The following CCDC148 variants were observed in gnomAD, a reference collection of about 807,000 sequenced individuals.
CCDC148 encodes coiled-coil domain containing 148.
CCDC148 carries 89 observed loss-of-function variants against 85.7 expected under a neutral mutation model. That is an observed-to-expected ratio of 1.04 (90% CI 0.87 to 1.24). The LOEUF is 1.24. CCDC148 is among the 50% of genes most tolerant of loss of function. The probability of loss-of-function intolerance (pLI) is 0.00; values close to 1 mark genes in which losing one functional copy is unlikely to be tolerated. For synonymous variants in CCDC148, 230 were observed against 213.9 expected (o/e 1.08, Z -0.66); for missense variants, 692 against 671.7 (o/e 1.03, Z -0.33).
At chr2:158,272,190 G>A (rs1443306588) in intron 9 of CCDC148, among the ~76,000 whole-genome samples, 1 of 152,122 alleles carries the variant, frequency 6.6e-6, no homozygotes, top group Admixed American at 6.5e-5. Flanking sequence ...TTTATAGTGG[G>A]AAATTCTGGG....
intron 9 of CCDC148, among the ~76,000 whole-genome samples, chr2:158,277,351 C>T (rs913772783): frequency 2.6e-5 from 4 of 152,182 alleles, no homozygotes; most frequent in Non-Finnish European, 4.4e-5. Flanking sequence ...AATGACCATT[C>T]CTGATACTTA....
At chr2:158,286,072 C>T (rs1024721077) in intron 9 of CCDC148, among the ~76,000 whole-genome samples, 2 of 152,008 alleles carry the variant, frequency 1.3e-5, no homozygotes, top group Admixed American at 1.3e-4. Flanking sequence ...TATTAGAATT[C>T]ATAGTACTCA....
chr2:158,419,804 G>C (rs569416036), intron 1 of CCDC148, among the ~76,000 whole-genome samples: 8 of 152,072 alleles, frequency 5.3e-5, no homozygotes, highest in Non-Finnish European at 1.0e-4. Flanking sequence ...CCTCCTTTGT[G>C]AAAATATACA....
intron 10 of CCDC148, among the ~76,000 whole-genome samples, chr2:158,233,025 T>G (rs1479607928): frequency 4.6e-5 from 7 of 152,170 alleles, no homozygotes; most frequent in African/African-American, 1.7e-4. Flanking sequence ...TTCGGAATGT[T>G]TCCAACATAA....
At chr2:158,423,782 C>T (rs954655037) in intron 1 of CCDC148, among the ~76,000 whole-genome samples, 1 of 152,128 alleles carries the variant, frequency 6.6e-6, no homozygotes, top group African/African-American at 2.4e-5. Context: ...AACAGGCAAC[C>T]TACAGAATGG....
chr2:158,358,254 G>A (rs181632328), intron 2 of CCDC148, among the ~76,000 whole-genome samples, 195 bp downstream of exon 2: 2 of 152,278 alleles, frequency 1.3e-5, no homozygotes, highest in East Asian at 3.9e-4. Context: ...AATGGGTAAT[G>A]TATGAATGCA....
chr2:158,363,819 T>C (rs1479750831), intron 1 of CCDC148, among the ~76,000 whole-genome samples: 1 of 152,156 alleles, frequency 6.6e-6, no homozygotes, highest in African/African-American at 2.4e-5. Flanking sequence ...GCCAGGGCAA[T>C]TAGGCAGGAG....
intron 7 of CCDC148, among the ~76,000 whole-genome samples, chr2:158,334,284 G>T (rs933168250): frequency 7.2e-5 from 11 of 152,172 alleles, no homozygotes; most frequent in Admixed American, 5.2e-4. Context: ...GTAATTCTTT[G>T]TATCTTTCTG....
intron 2 of CCDC148, among the ~76,000 whole-genome samples, chr2:158,350,110 T>G (rs1683186301): frequency 1.3e-5 from 2 of 152,196 alleles, no homozygotes. Context: ...AACGTGAGCA[T>G]CTGTTTAACC....
At chr2:158,294,176 T>C (rs1159786965) in intron 9 of CCDC148, among the ~76,000 whole-genome samples, 2 of 151,942 alleles carry the variant, frequency 1.3e-5, no homozygotes, top group Non-Finnish European at 2.9e-5. Context: ...TGAAATCATA[T>C]GGAATGCAGC....
intron 1 of CCDC148, among the ~76,000 whole-genome samples, chr2:158,406,850 T>C (rs576617247): frequency 6.6e-6 from 1 of 152,134 alleles, no homozygotes; most frequent in Admixed American, 6.5e-5. Context: ...CTTCAACTCC[T>C]GAACTCCAGT....
chr2:158,435,310 G>A (rs1401685153), intron 1 of CCDC148, among the ~76,000 whole-genome samples: 1 of 152,178 alleles, frequency 6.6e-6, no homozygotes, highest in African/African-American at 2.4e-5. Context: ...AGAAGAGAGT[G>A]GGGGCCAATA....
chr2:158,430,309 C>T (rs776030733), intron 1 of CCDC148, among the ~76,000 whole-genome samples: 1 of 152,160 alleles, frequency 6.6e-6, no homozygotes, highest in Non-Finnish European at 1.5e-5. Flanking sequence ...AAACAAGCCT[C>T]AACCTGATCC....
intron 1 of CCDC148, among the ~76,000 whole-genome samples, chr2:158,426,115 T>C (rs1687066098): frequency 6.6e-6 from 1 of 150,638 alleles, no homozygotes; most frequent in Admixed American, 6.6e-5. Flanking sequence ...ACTGTAAAAC[T>C]GTGGTAGGAA....
At chr2:158,399,949 A>G (rs1334256210) in intron 1 of CCDC148, among the ~76,000 whole-genome samples, 1 of 152,174 alleles carries the variant, frequency 6.6e-6, no homozygotes, top group Admixed American at 6.6e-5. Flanking sequence ...CCTATACACA[A>G]TTACTACAAA....
intron 3 of CCDC148, among the ~76,000 whole-genome samples, chr2:158,342,992 T>G (rs1682805470): frequency 6.6e-6 from 1 of 152,206 alleles, no homozygotes; most frequent in Admixed American, 6.5e-5. Context: ...GAATCAAAGT[T>G]TGGCATATGT....
chr2:158,341,702 T>C (rs1682704204), intron 3 of CCDC148, among the ~76,000 whole-genome samples: 1 of 152,120 alleles, frequency 6.6e-6, no homozygotes, highest in Non-Finnish European at 1.5e-5. Context: ...GCCTACCCCT[T>C]GCTTATGGCA....
chr2:158,435,337 A>G (rs527582090), intron 1 of CCDC148, among the ~76,000 whole-genome samples: 2 of 152,360 alleles, frequency 1.3e-5, no homozygotes, highest in South Asian at 4.1e-4. Context: ...ATTCTTAAAG[A>G]AAAGAATTTT....
chr2:158,342,805 T>C (rs189737202), intron 3 of CCDC148, among the ~76,000 whole-genome samples: 8 of 152,288 alleles, frequency 5.3e-5, no homozygotes, highest in African/African-American at 1.9e-4. Context: ...TAAGGGATTC[T>C]TTGTGGTACC....
Sources: gnomAD v4.1 joint callset for allele counts (sites outside exome capture counted in the v4.1 genomes callset) on GRCh38, gnomAD v4.1.1 for gene constraint, MANE v1.5 for transcripts, NCBI Gene and HGNC (gene_info 2026-07-23, HGNC 2026-07-21) for gene names.